ADAMTS3: variants seen among roughly 807,000 people sequenced by gnomAD.
ADAMTS3 encodes ADAM metallopeptidase with thrombospondin type 1 motif 3.
In ADAMTS3, 73 loss-of-function variants were observed where a neutral mutation model predicts 129.0. That is an observed-to-expected ratio of 0.57 (90% CI 0.47 to 0.69). The LOEUF (loss-of-function observed/expected upper bound fraction) is 0.69, where lower values mean the gene tolerates loss of function less well. Among genes scored for constraint, ADAMTS3 ranks in the 30% least tolerant of loss-of-function variants. The pLI, the probability that ADAMTS3 is intolerant of heterozygous loss-of-function variation, is 0.00. For missense variants in ADAMTS3, 1,457 were observed against 1,514.5 expected (o/e 0.96, Z 0.63); for synonymous variants, 477 against 510.8 (o/e 0.93, Z 0.89).
intron 3 of ADAMTS3, among the ~76,000 whole-genome samples, chr4:72,516,020 G>A (rs1483586317): frequency 3.9e-5 from 6 of 152,174 alleles, no homozygotes; most frequent in Non-Finnish European, 7.3e-5. Context: ...TGTATAAGGT[G>A]TAAGGAAGGG....
intron 3 of ADAMTS3, among the ~76,000 whole-genome samples, chr4:72,508,033 G>C (rs1271214511): frequency 2.6e-5 from 4 of 152,030 alleles, no homozygotes; most frequent in African/African-American, 4.8e-5. Context: ...CATGGACTGT[G>C]CAAAATTATC....
chr4:72,404,577 G>A (rs1031834182), intron 4 of ADAMTS3, among the ~76,000 whole-genome samples: 6 of 151,786 alleles, frequency 4.0e-5, no homozygotes, highest in South Asian at 2.1e-4. Context: ...AAAAAACTTC[G>A]TGATATTGAT....
At chr4:72,508,169 C>T (rs1239631593) in intron 3 of ADAMTS3, among the ~76,000 whole-genome samples, 2 of 152,026 alleles carry the variant, frequency 1.3e-5, no homozygotes, top group African/African-American at 2.4e-5. Flanking sequence ...ATAGAAGTCC[C>T]CCTAAACACA....
chr4:72,288,852 C>G lies in ADAMTS3; in HGVS notation c.2948G>C (p.Gly983Ala). 6.2e-7 allele frequency: 1 copy of G among 1,612,690 alleles called. No homozygotes were observed. The highest frequency in any genetic ancestry group is 8.5e-7 in the Non-Finnish European group (1 of 1,179,286). ...GPWSECSVTC[G>A]EGTEVRQVLC... ...GACCTGCCTCACCTCCGTTCCTTCA[C>G]CGCAGGTCACTGAACACTGCAGAGA... The change falls in exon 21 of 22, where the codon GGT becomes GCT. Residue 983 changes from glycine to alanine, a missense_variant. By Grantham distance (60) the Gly-to-Ala change is moderately conservative. Coordinates refer to ENST00000286657, the MANE Select transcript of ADAMTS3 (RefSeq NM_014243.3).
intron 3 of ADAMTS3, among the ~76,000 whole-genome samples, chr4:72,511,879 T>C (rs1720324358): frequency 6.6e-6 from 1 of 152,112 alleles, no homozygotes; most frequent in African/African-American, 2.4e-5. Context: ...CATCAACAGA[T>C]GAATGAATAA....
chr4:72,373,822 C>T (rs1721072090), intron 4 of ADAMTS3, among the ~76,000 whole-genome samples: 1 of 151,616 alleles, frequency 6.6e-6, no homozygotes, highest in Admixed American at 6.6e-5. Context: ...ATAACTTGAG[C>T]CTGGGAGATC....
chr4:72,496,195 T>C (rs149702980), intron 3 of ADAMTS3, among the ~76,000 whole-genome samples: 173 of 152,312 alleles, frequency 1.1e-3, no homozygotes, highest in African/African-American at 4.0e-3. Flanking sequence ...AATAAGCAGA[T>C]AAAATCTGGA....
intron 5 of ADAMTS3, among the ~76,000 whole-genome samples, chr4:72,338,126 T>C (rs1720037064): frequency 6.6e-6 from 1 of 152,162 alleles, no homozygotes; most frequent in Admixed American, 6.5e-5. Flanking sequence ...GACTTGTATT[T>C]ACACACTTCA....
intron 3 of ADAMTS3, among the ~76,000 whole-genome samples, chr4:72,523,880 T>C (rs1226318482): frequency 1.3e-5 from 2 of 152,138 alleles, no homozygotes; most frequent in South Asian, 2.1e-4. Context: ...TGTATGTAAA[T>C]TGATCTACAA....
chr4:72,359,793 T>C (rs1326880757), intron 4 of ADAMTS3, among the ~76,000 whole-genome samples: 4 of 152,134 alleles, frequency 2.6e-5, no homozygotes, highest in Non-Finnish European at 5.9e-5. Flanking sequence ...TACCATTTAA[T>C]GTATTAAACT....
chr4:72,306,017 G>C lies in ADAMTS3; in HGVS notation c.2230C>G (p.Gln744Glu). ...IPPGARHVLI[Q>E]EDEASPHILA... Reference sequence around the variant, plus strand: ...ATATGAGGAGAAGCCTCGTCTTCTTGGATTAACACATGTCTAGCCCCAGGG... The same window carrying C: ...ATATGAGGAGAAGCCTCGTCTTCTTCGATTAACACATGTCTAGCCCCAGGG... Residue 744 changes from glutamine to glutamate, a missense_variant, in exon 16 of 22, where the codon CAA becomes GAA. Gln to Glu is a conservative substitution (Grantham distance 29). Coordinates refer to ENST00000286657, the MANE Select transcript of ADAMTS3 (RefSeq NM_014243.3). 1.2e-6 allele frequency: 2 copies of C among 1,611,460 alleles called. No individual in the cohort carries two copies. The highest frequency in any genetic ancestry group is 1.7e-6 in the Non-Finnish European group (2 of 1,178,580).
intron 3 of ADAMTS3, among the ~76,000 whole-genome samples, chr4:72,534,108 G>A (rs1226031429): frequency 2.6e-5 from 4 of 152,050 alleles, no homozygotes; most frequent in East Asian, 1.9e-4. Context: ...TGGGTGGATC[G>A]CGAGGTCGAG....
At chr4:72,519,394 G>A (rs1720593597) in intron 3 of ADAMTS3, among the ~76,000 whole-genome samples, 1 of 152,278 alleles carries the variant, frequency 6.6e-6, no homozygotes, top group African/African-American at 2.4e-5. Flanking sequence ...TGCCTTGCTG[G>A]ATTGGGGAAG....
At chr4:72,452,739 TTGGGCAGG>T (rs1718439715) in intron 3 of ADAMTS3, among the ~76,000 whole-genome samples, 1 of 151,740 alleles carries the variant, frequency 6.6e-6, no homozygotes, top group Middle Eastern at 3.2e-3. Flanking sequence ...GTCCTACAAA[TTGGGCAGG>T]TTCCCTGGGC....
At chr4:72,425,856 G>A (rs1294999908) in intron 3 of ADAMTS3, among the ~76,000 whole-genome samples, 3 of 151,480 alleles carry the variant, frequency 2.0e-5, no homozygotes, top group African/African-American at 4.9e-5. Flanking sequence ...CCCAGTAATG[G>A]GATGGCTGGG....
chr4:72,353,628 T>C (rs1404313440), intron 4 of ADAMTS3, among the ~76,000 whole-genome samples: 1 of 152,016 alleles, frequency 6.6e-6, no homozygotes, highest in African/African-American at 2.4e-5. Context: ...TTCTGTATCA[T>C]TCTGGGAACT....
chr4:72,348,037 C>T (rs1213120948), intron 4 of ADAMTS3, among the ~76,000 whole-genome samples: 3 of 151,986 alleles, frequency 2.0e-5, no homozygotes, highest in African/African-American at 7.3e-5. Flanking sequence ...GTAAATAAGT[C>T]ATTATAGCCA....
At chr4:72,479,589 C>A (rs1215944399) in intron 3 of ADAMTS3, among the ~76,000 whole-genome samples, 1 of 152,110 alleles carries the variant, frequency 6.6e-6, no homozygotes, top group Non-Finnish European at 1.5e-5. Flanking sequence ...ACCATAAAAA[C>A]CCTAGAAGAA....
At chr4:72,530,616 T>C (rs1175592097) in intron 3 of ADAMTS3, among the ~76,000 whole-genome samples, 2 of 87,116 alleles carry the variant, frequency 2.3e-5, no homozygotes, top group Non-Finnish European at 2.0e-5. Context: ...ATATATTATA[T>C]AATATATATT....
Sources: gnomAD v4.1 joint callset for allele counts (sites outside exome capture counted in the v4.1 genomes callset) on GRCh38, gnomAD v4.1.1 for gene constraint, MANE v1.5 for transcripts, NCBI Gene and HGNC (gene_info 2026-07-23, HGNC 2026-07-21) for gene names.